TMEM268: variants seen among roughly 807,000 people sequenced by gnomAD.
TMEM268 encodes the protein transmembrane protein C9orf91.
A neutral mutation model predicts 39.1 loss-of-function variants in TMEM268; 24 were observed. The observed-to-expected ratio is 0.61, with a 90% CI of 0.44 to 0.86. The LOEUF is 0.86. TMEM268 is among the 40% of genes least tolerant of loss of function. The pLI is 0.00. For missense variants in TMEM268, 409 were observed against 428.6 expected, an observed-to-expected ratio of 0.95 and a Z score of 0.40; for synonymous variants, 176 against 173.5, an observed-to-expected ratio of 1.01 and a Z score of -0.12.
chr9:114,612,426 T>C (rs2133582000), intron 1 of TMEM268, among the ~76,000 whole-genome samples: 1 of 152,312 alleles, frequency 6.6e-6, no homozygotes, highest in East Asian at 1.9e-4. Flanking sequence ...CTCCCCCTGC[T>C]CTGCCTCCAC....
Position 114,629,787 on chromosome 9 carries a change from G to C in TMEM268, c.474+1537G>C, listed in dbSNP as rs575209426. 7.9e-5 allele frequency among the ~76,000 whole-genome samples: 12 copies of C among 152,258 alleles called. No homozygotes were observed. The South Asian group carries it at 2.5e-3, about 32-fold the overall frequency. ...TTGGGAAATGTAAATCAGCATTTGG[G>C]GTGTGAATTCCACTTAGTGCGTGTG... On this transcript the variant is annotated intron_variant, in intron 5 of 8. Coordinates refer to ENST00000288502, the MANE Select transcript of TMEM268 (RefSeq NM_153045.4).
chr9:114,629,143 C>G (rs1003218294), intron 5 of TMEM268, among the ~76,000 whole-genome samples: 1 of 152,222 alleles, frequency 6.6e-6, no homozygotes, highest in African/African-American at 2.4e-5. Context: ...AGCCACAACG[C>G]TAGAGAAAAC....
chr9:114,630,279 T>TATCCATCC (rs57970569), intron 5 of TMEM268, among the ~76,000 whole-genome samples: 2,286 of 148,220 alleles, frequency 0.015, 72 homozygotes, highest in African/African-American at 0.054. Flanking sequence ...AATATATATC[T>TATCCATCC]ATCCATCCAT....
At chr9:114,607,816 C>T (rs1039395431), upstream of TMEM268, among the ~76,000 whole-genome samples, 3 of 152,086 alleles carry the variant, frequency 2.0e-5, no homozygotes, top group East Asian at 1.9e-4. Context: ...TCAGGTAGAA[C>T]GATGGGGCTG....
chr9:114,619,958 C>T (rs1261375708), intron 2 of TMEM268, among the ~76,000 whole-genome samples: 1 of 151,966 alleles, frequency 6.6e-6, no homozygotes, highest in Non-Finnish European at 1.5e-5. Flanking sequence ...CCTGTAATCC[C>T]AGCACTTTGG....
At chr9:114,617,584 A>G (rs147750671) in intron 2 of TMEM268, among the ~76,000 whole-genome samples, 88 of 151,960 alleles carry the variant, frequency 5.8e-4, no homozygotes, top group African/African-American at 2.0e-3. Flanking sequence ...ATTTTTACTT[A>G]TTTAGAGACA....
intron 2 of TMEM268, chr9:114,622,330 C>G (rs1845977678): frequency 1.0e-6 from 1 of 985,234 alleles, no homozygotes. Flanking sequence ...CCAAAATATC[C>G]AGTCCTCAGC....
upstream of TMEM268, among the ~76,000 whole-genome samples, chr9:114,607,429 G>A (rs1258409138): frequency 1.3e-5 from 2 of 152,182 alleles, no homozygotes; most frequent in Admixed American, 6.5e-5. Flanking sequence ...GCCGAGGCAG[G>A]TGTATTGCTT....
chr9:114,620,984 G>A (rs187127309), intron 2 of TMEM268, among the ~76,000 whole-genome samples: 19 of 152,160 alleles, frequency 1.2e-4, no homozygotes, highest in African/African-American at 4.3e-4. Context: ...GGCAGGAGGT[G>A]GAATTTAGAA....
chr9:114,623,688 T>C (rs573566034), intron 2 of TMEM268, among the ~76,000 whole-genome samples: 1 of 152,340 alleles, frequency 6.6e-6, no homozygotes, highest in Middle Eastern at 3.4e-3. Flanking sequence ...TCCCTCTGAC[T>C]CTACTTCTGT....
rs149567667 is a variant in TMEM268 at position 114,638,228 on chromosome 9, G to A, written c.667-316G>A. ...GGCTAATTTTTGTATTTTTAGTGGT[G>A]ACTGGGTTTCACCATATTGGCCAGG... On this transcript the variant is annotated intron_variant, in intron 7 of 8. Transcript: ENST00000288502. 6.1e-3 allele frequency among the ~76,000 whole-genome samples: 932 copies of A among 152,268 alleles called. 2 individuals carry two copies. The highest frequency in any genetic ancestry group is 0.01 in the Non-Finnish European group (714 of 68,020).
intron 4 of TMEM268, 141 bp from the exon 5 acceptor site, chr9:114,627,960 T>C: frequency 2.4e-6 from 2 of 833,296 alleles, no homozygotes; most frequent in Non-Finnish European, 3.8e-6. Flanking sequence ...TCCAGGTGAC[T>C]GCATCAATCT....
rs1358048012 is a variant in TMEM268, at chr9:114,645,835, C to G, written c.*2522C>G. ...GCCCACAATGTACATTTCTCGGCAT[C>G]TGTGCCTCAGTTTCCTCATTTATAA... On this transcript the variant is annotated 3_prime_UTR_variant, in exon 9 of 9. Transcript: ENST00000288502. 1 of 152,278 alleles carries G rather than the reference C, an allele frequency of 6.6e-6. No individual in the cohort carries two copies. Among genetic ancestry groups the G allele is most frequent in the African/African-American group, 2.4e-5 (1 of 41,436 alleles). 9.4% of individuals were successfully genotyped at this position (152,278 alleles called of 1,614,324 possible).
At chr9:114,633,251 T>G (rs1032973335) in intron 5 of TMEM268, among the ~76,000 whole-genome samples, 2 of 151,472 alleles carry the variant, frequency 1.3e-5, no homozygotes, top group African/African-American at 4.9e-5. Context: ...AACCTCTGCC[T>G]CCTGGGTTCA....
At chr9:114,620,926 C>CAAA (rs142018561) in intron 2 of TMEM268, among the ~76,000 whole-genome samples, 1 of 149,860 alleles carries the variant, frequency 6.7e-6, no homozygotes, top group Non-Finnish European at 1.5e-5. Context: ...CCACCACTTC[C>CAAA]AAAAAAAAAC....
intron 2 of TMEM268, among the ~76,000 whole-genome samples, chr9:114,623,147 A>G (rs529897621): frequency 6.6e-6 from 1 of 152,172 alleles, no homozygotes; most frequent in African/African-American, 2.4e-5. Flanking sequence ...CAGATTTGTT[A>G]TTTATTTATT....
chr9:114,631,830 A>G (rs2418311), intron 5 of TMEM268, among the ~76,000 whole-genome samples: 139,035 of 152,142 alleles, frequency 0.91, 63,572 homozygotes, highest in East Asian at 1. Context: ...GCTGGGCGTG[A>G]TGGCTCATGT....
intron 5 of TMEM268, among the ~76,000 whole-genome samples, chr9:114,630,621 A>G (rs1017252623): frequency 2.0e-5 from 3 of 152,204 alleles, no homozygotes; most frequent in Non-Finnish European, 4.4e-5. Flanking sequence ...CTCATCTAAA[A>G]CATGAGATAA....
At chr9:114,625,652 A>G (rs1317636171) in intron 3 of TMEM268, among the ~76,000 whole-genome samples, 1 of 151,910 alleles carries the variant, frequency 6.6e-6, no homozygotes, top group Non-Finnish European at 1.5e-5. Context: ...CATGTTGGCC[A>G]GGCTGGTCTC....
Sources: gnomAD v4.1 joint callset for allele counts (sites outside exome capture counted in the v4.1 genomes callset) on GRCh38, gnomAD v4.1.1 for gene constraint, MANE v1.5 for transcripts, NCBI Gene and HGNC (gene_info 2026-07-23, HGNC 2026-07-21) for gene names.